Variants in VWC2 observed in about 807,000 individuals in gnomAD.
The protein encoded by VWC2 is brorin.
A neutral mutation model predicts 29.8 loss-of-function variants in VWC2; 14 were observed. That is an observed-to-expected ratio of 0.47 (90% confidence interval 0.31 to 0.74). The LOEUF is 0.74. Ranked by LOEUF, VWC2 falls within the 30% of genes least tolerant of loss-of-function variation. The probability of loss-of-function intolerance (pLI) is 0.05; values close to 1 mark genes in which losing one functional copy is unlikely to be tolerated. For missense variants in VWC2, 457 were observed against 459.8 expected (o/e 0.99, Z 0.05); for synonymous variants, 213 against 199.0 (o/e 1.07, Z -0.59).
chr7:49,805,429 G>C (rs1348255968), intron 3 of VWC2, among the ~76,000 whole-genome samples: 4 of 152,142 alleles, frequency 2.6e-5, no homozygotes, highest in Non-Finnish European at 5.9e-5. Flanking sequence ...AGTATAACTG[G>C]AAATAAATTT....
At chr7:49,908,243 G>T (rs1793212210) in intron 3 of VWC2, among the ~76,000 whole-genome samples, 1 of 152,128 alleles carries the variant, frequency 6.6e-6, no homozygotes, top group Non-Finnish European at 1.5e-5. Context: ...ATTCCAAAAG[G>T]AGGAGGTTAT....
chr7:49,788,163 C>T (rs951188358), intron 2 of VWC2, among the ~76,000 whole-genome samples: 2 of 152,162 alleles, frequency 1.3e-5, no homozygotes, highest in Non-Finnish European at 2.9e-5. Flanking sequence ...ACTCCTGGCT[C>T]GGGCTGTGGT....
At chr7:49,803,465 G>A (rs1788793651) in intron 3 of VWC2, among the ~76,000 whole-genome samples, 1 of 152,210 alleles carries the variant, frequency 6.6e-6, no homozygotes. Flanking sequence ...ACCCAGGCTG[G>A]CTGGGCCTGA....
chr7:49,788,693 G>A (rs1788364679), intron 2 of VWC2, among the ~76,000 whole-genome samples: 1 of 35,556 alleles, frequency 2.8e-5, no homozygotes, highest in Non-Finnish European at 4.2e-5. Context: ...GTGTGTGAGG[G>A]TGTGTGTGTG....
chr7:49,888,965 C>G (rs914304920), intron 3 of VWC2, among the ~76,000 whole-genome samples: 1 of 152,008 alleles, frequency 6.6e-6, no homozygotes, highest in Non-Finnish European at 1.5e-5. Flanking sequence ...CCTCAGCAGA[C>G]ATATGGAGGA....
At chr7:49,812,020 C>T (rs1483484070) in intron 3 of VWC2, among the ~76,000 whole-genome samples, 1 of 152,136 alleles carries the variant, frequency 6.6e-6, no homozygotes, top group Non-Finnish European at 1.5e-5. Flanking sequence ...AATGATACTA[C>T]AACATGGGTG....
intron 2 of VWC2, among the ~76,000 whole-genome samples, chr7:49,783,001 G>C (rs189832563): frequency 6.6e-6 from 1 of 152,146 alleles, no homozygotes; most frequent in Non-Finnish European, 1.5e-5. Flanking sequence ...GTTCTGCAGA[G>C]TGTGCAGCTC....
chr7:49,894,411 G>T (rs1792278890), intron 3 of VWC2, among the ~76,000 whole-genome samples: 1 of 152,178 alleles, frequency 6.6e-6, no homozygotes. Context: ...ATGATTACAG[G>T]CATGAGCCAC....
At chr7:49,868,942 T>C (rs1294765959) in intron 3 of VWC2, among the ~76,000 whole-genome samples, 1 of 152,182 alleles carries the variant, frequency 6.6e-6, no homozygotes, top group Non-Finnish European at 1.5e-5. Context: ...AAAATAGTTA[T>C]ATGGAAAGAA....
intron 3 of VWC2, among the ~76,000 whole-genome samples, chr7:49,823,615 T>C (rs1407709203): frequency 1.3e-5 from 2 of 152,224 alleles, no homozygotes; most frequent in Non-Finnish European, 2.9e-5. Context: ...GTGTTTATTA[T>C]AATTCAGCAG....
At chr7:49,806,018 T>C (rs1788868800) in intron 3 of VWC2, among the ~76,000 whole-genome samples, 1 of 152,258 alleles carries the variant, frequency 6.6e-6, no homozygotes. Context: ...ATTCACTTTG[T>C]TGACTTGTGC....
rs367959338 is a variant in VWC2 at position 49,920,572 on chromosome 7, G to A, written c.*8387G>A. ...GGACCTAAGCAGTGAAGGATGTAAG[G>A]GAACAGAGAGAGACTCTGCTTGGCC... On this transcript the variant is annotated 3_prime_UTR_variant, in exon 4 of 4. Coordinates refer to ENST00000340652, the MANE Select transcript of VWC2 (RefSeq NM_198570.5). 1 of 152,138 alleles carries A rather than the reference G, an allele frequency of 6.6e-6. No homozygotes were observed. Among genetic ancestry groups the A allele is most frequent in the East Asian group, 1.9e-4 (1 of 5,192 alleles). The allele number at this position is 152,138 out of a possible 1,614,324, so 9.4% of individuals were successfully genotyped here.
At chr7:49,857,009 CAAAAAAAAAAAAAAAAAAAA>C (rs59910243) in intron 3 of VWC2, among the ~76,000 whole-genome samples, 1 of 52,764 alleles carries the variant, frequency 1.9e-5, no homozygotes, top group East Asian at 7.0e-4. Context: ...GATACTGTCT[CAAAAAAAAAAAAAAAAAAAA>C]AAAAAAAAAA....
intron 3 of VWC2, among the ~76,000 whole-genome samples, chr7:49,825,555 G>T (rs17551043): frequency 0.068 from 10,354 of 152,222 alleles, 463 homozygotes; most frequent in South Asian, 0.098. Flanking sequence ...GACCTCTTCA[G>T]AATTCACTGT....
intron 3 of VWC2, among the ~76,000 whole-genome samples, chr7:49,828,293 G>A (rs1057292235): frequency 6.6e-6 from 1 of 152,112 alleles, no homozygotes; most frequent in Non-Finnish European, 1.5e-5. Context: ...TTCCTTTTCA[G>A]TTTGGAACTA....
intron 3 of VWC2, among the ~76,000 whole-genome samples, chr7:49,837,792 C>T (rs1789697647): frequency 6.6e-6 from 1 of 152,136 alleles, no homozygotes; most frequent in African/African-American, 2.4e-5. Context: ...TCTAATCGAT[C>T]GCACAATCCA....
rs1793845000 is a variant in VWC2 at position 49,918,571 on chromosome 7, T to G, written c.*6386T>G. The G allele has an allele frequency of 6.6e-6, 1 of 152,216 alleles. No individual in the cohort carries two copies. The highest frequency in any genetic ancestry group is 1.5e-5 in the Non-Finnish European group (1 of 68,034). The allele number at this position is 152,216 out of a possible 1,614,324, so 9.4% of individuals were successfully genotyped here. On this transcript the variant is annotated 3_prime_UTR_variant, in exon 4 of 4. Coordinates refer to ENST00000340652, the MANE Select transcript of VWC2 (RefSeq NM_198570.5). ...GAAGCATCAGGTTGTTCAGGTATGA[T>G]TCTCATATTGAAATTTACAAAATAT...
chr7:49,828,751 C>G (rs1789461437), intron 3 of VWC2, among the ~76,000 whole-genome samples: 1 of 152,182 alleles, frequency 6.6e-6, no homozygotes, highest in East Asian at 1.9e-4. Flanking sequence ...TAGTAAACAA[C>G]TTGACAGAGA....
intron 2 of VWC2, among the ~76,000 whole-genome samples, chr7:49,790,705 G>T (rs938909879): frequency 6.6e-6 from 1 of 151,910 alleles, no homozygotes; most frequent in Admixed American, 6.5e-5. Flanking sequence ...CCCTCAGGGG[G>T]TCGGGGACTC....
Sources: allele counts gnomAD v4.1 joint callset (sites outside exome capture counted in the v4.1 genomes callset), GRCh38; gene constraint gnomAD v4.1.1; transcripts MANE v1.5; gene names NCBI Gene and HGNC (gene_info 2026-07-23, HGNC 2026-07-21).